The following RFPL3 variants were observed in gnomAD, a reference collection of about 807,000 sequenced individuals.
RFPL3 encodes the protein ret finger protein-like 3.
RFPL3 carries 8 observed loss-of-function variants against 8.7 expected under a neutral mutation model. The observed-to-expected ratio is 0.92, with a 90% CI of 0.54 to 1.66. RFPL3 has a LOEUF of 1.66. Ranked by LOEUF, RFPL3 falls within the 40% of genes most tolerant of loss-of-function variation. RFPL3 has a pLI of 0.00. For missense variants in RFPL3, 341 were observed against 395.0 expected (o/e 0.86, Z 1.16); for synonymous variants, 145 against 150.5 (o/e 0.96, Z 0.27).
upstream of RFPL3, chr22:32,357,011 G>A (rs1022442027): frequency 9.9e-5 from 45 of 455,730 alleles, no homozygotes; most frequent in African/African-American, 8.3e-4. Context: ...AGCGGCAGGA[G>A]GTCAGCATCC....
intron 1 of RFPL3, 81 bp downstream of exon 1, chr22:32,358,525 T>A: frequency 6.6e-7 from 1 of 1,524,842 alleles, no homozygotes; most frequent in Non-Finnish European, 8.8e-7. Context: ...TCATTCCACA[T>A]GGGGATTAGC....
chr22:32,359,632 T>C (rs1225244366), intron 1 of RFPL3, among the ~76,000 whole-genome samples: 3 of 152,150 alleles, frequency 2.0e-5, no homozygotes. Flanking sequence ...TTACCATTGT[T>C]TTGCTTAAGG....
At chr22:32,356,344 GGA>G (rs1330338469), upstream of RFPL3, among the ~76,000 whole-genome samples, 2 of 152,038 alleles carry the variant, frequency 1.3e-5, no homozygotes, top group African/African-American at 4.8e-5. Flanking sequence ...GAGAGAGAAT[GGA>G]GAGAGAGGTG....
At chr22:32,356,873 C>T (rs1040945945), upstream of RFPL3, 3 of 451,906 alleles carry the variant, frequency 6.6e-6, no homozygotes, top group Non-Finnish European at 1.3e-5. Context: ...TCCAGGCCAC[C>T]GTCACAGCTC....
upstream of RFPL3, among the ~76,000 whole-genome samples, chr22:32,355,235 A>T (rs932340008): frequency 8.1e-5 from 12 of 147,902 alleles, no homozygotes; most frequent in African/African-American, 2.9e-4. Context: ...AGAACATGCA[A>T]ATAAAGCCCA....
chr22:32,357,780 T>G (rs2145868084), upstream of RFPL3: 2 of 1,084,456 alleles, frequency 1.8e-6, no homozygotes, highest in Non-Finnish European at 2.4e-6. Flanking sequence ...CAGCTCCTAA[T>G]TCTTATGTTC....
upstream of RFPL3, among the ~76,000 whole-genome samples, chr22:32,355,066 A>C (rs1932618386): frequency 6.8e-6 from 1 of 146,242 alleles, no homozygotes; most frequent in African/African-American, 2.5e-5. Flanking sequence ...GGAATGACAA[A>C]ACTCCCCCCA....
upstream of RFPL3, among the ~76,000 whole-genome samples, chr22:32,357,409 A>C (rs1017956543): frequency 6.6e-6 from 1 of 151,050 alleles, no homozygotes; most frequent in Non-Finnish European, 1.5e-5. Flanking sequence ...GGCTCAAGGG[A>C]TCTTCCTGCC....
At position 32,358,432 on chromosome 22, in the gene RFPL3, C is replaced by G. The variant is rs139344772; in HGVS notation, c.361C>G (p.Arg121Gly). The G allele has an allele frequency of 6.2e-7, 1 of 1,613,138 alleles. No individual in the cohort carries two copies. Among genetic ancestry groups the G allele is most frequent in the South Asian group, 1.1e-5 (1 of 90,938 alleles). Reference sequence around the variant, plus strand: ...GATTCTACAGATGAACCCAAGGATGCGGAAGTTCCAAGGTAAGGAATCTGT... The same window carrying G: ...GATTCTACAGATGAACCCAAGGATGGGGAAGTTCCAAGGTAAGGAATCTGT... ...KKILQMNPRM[R>G]KFQVDMTLDA... The change falls in exon 1 of 2, where the codon CGG (arginine) becomes GGG (glycine). Residue 121 changes from arginine to glycine, a missense_variant. Arg to Gly is a moderately radical substitution (Grantham distance 125). Coordinates refer to ENST00000249007, the MANE Select transcript of RFPL3 (RefSeq NM_001098535.1).
At chr22:32,356,332 G>A (rs1222281066), upstream of RFPL3, among the ~76,000 whole-genome samples, 2 of 152,028 alleles carry the variant, frequency 1.3e-5, no homozygotes, top group African/African-American at 2.4e-5. Flanking sequence ...GGAAGAGGTG[G>A]GGAGAGAGAA....
rs139468747 is a variant in RFPL3 at position 32,359,398 on chromosome 22, G to C, written c.374-854G>C. ...AGTGATCATATCAGTTTTTTGACTT[G>C]AAGGATAATATATTTTGTAGATTTT... On this transcript the variant is annotated intron_variant, in intron 1 of 1. Transcript: ENST00000249007. Among the ~76,000 whole-genome samples the C allele has an allele frequency of 5.9e-4, 89 of 151,642 alleles. No individual in the cohort carries two copies. The Middle Eastern group carries it at 0.02, about 35-fold the overall frequency.
At position 32,360,464 on chromosome 22, in the gene RFPL3, G is replaced by A; in HGVS notation, c.586G>A (p.Val196Ile). ...VGTSTEWDLGVCRESVHCKGK... is the reference protein window; with the variant it reads ...VGTSTEWDLGICRESVHCKGK... Reference sequence around the variant, plus strand: ...AACAAGCACAGAATGGGACCTGGGAGTCTGCAGAGAATCTGTTCACTGCAA... The same window carrying A: ...AACAAGCACAGAATGGGACCTGGGAATCTGCAGAGAATCTGTTCACTGCAA... The change falls in exon 2 of 2, where the codon GTC becomes ATC. Residue 196 changes from valine (V) to isoleucine (I), a missense_variant. Coordinates refer to ENST00000249007, the MANE Select transcript of RFPL3 (RefSeq NM_001098535.1). 1.2e-6 allele frequency: 2 copies of A among 1,613,968 alleles called. No homozygotes were observed. Among genetic ancestry groups the A allele is most frequent in the Non-Finnish European group, 1.7e-6 (2 of 1,179,888 alleles).
At chr22:32,360,112 C>T in intron 1 of RFPL3, 140 bp from the exon 2 acceptor site, 2 of 1,142,860 alleles carry the variant, frequency 1.7e-6, no homozygotes, top group South Asian at 3.4e-5. Flanking sequence ...GGGAAGTTTC[C>T]TCATGAAAAG....
intron 1 of RFPL3, chr22:32,359,864 A>G: frequency 4.7e-6 from 1 of 210,914 alleles, no homozygotes. Context: ...TTGGAGCAAT[A>G]AAATGTGGAA....
rs527292492 is a variant in RFPL3 at position 32,359,910 on chromosome 22, C to G, written c.374-342C>G. 4.7e-5 allele frequency: 14 copies of G among 296,956 alleles called. No individual in the cohort carries two copies. In the South Asian group the frequency reaches 9.1e-4, roughly 19 times the overall value. 18.4% of individuals were successfully genotyped at this position (296,956 alleles called of 1,614,324 possible). A position where few individuals can be genotyped will look rare whatever the true frequency, so the allele number is the denominator to read the frequency against. On this transcript the variant is annotated intron_variant, in intron 1 of 1. Coordinates refer to ENST00000249007, the MANE Select transcript of RFPL3 (RefSeq NM_001098535.1). ...ATTTAATATTGACCACTTGCATTGT[C>G]TTAATTATCATTTATTTGTTCACAC...
At chr22:32,356,729 C>G (rs893171953), upstream of RFPL3, 1 of 374,578 alleles carries the variant, frequency 2.7e-6, no homozygotes, top group African/African-American at 2.2e-5. Context: ...TGTGTGTGAC[C>G]TTACAGCTGT....
intron 1 of RFPL3, 33 bp downstream of exon 1, chr22:32,358,477 A>C (rs1403381613): frequency 6.3e-7 from 1 of 1,578,140 alleles, no homozygotes; most frequent in Admixed American, 1.8e-5. Flanking sequence ...CCCCTTCCCA[A>C]GACCAGACCA....
In RFPL3 at chr22:32,360,364, A is replaced by T; in HGVS notation, c.486A>T (p.Arg162Ser). Residue 162 changes from arginine to serine, a missense_variant, in exon 2 of 2, where the codon AGA (arginine) becomes AGT (serine). By Grantham distance (110) the Arg-to-Ser change is moderately radical. Transcript: ENST00000249007. Reference protein sequence around the residue: ...ITQNRQDLAERFDVSVCILGS... With the variant: ...ITQNRQDLAESFDVSVCILGS... ...AGAATCGGCAAGACCTTGCCGAGAG[A>T]TTTGACGTGTCCGTTTGCATCCTGG... The T allele has an allele frequency of 2.5e-6, 4 of 1,613,852 alleles. No individual in the cohort carries two copies. The highest frequency in any genetic ancestry group is 3.4e-6 in the Non-Finnish European group (4 of 1,179,856).
At chr22:32,356,874 G>A (rs922481291), upstream of RFPL3, 23 of 454,382 alleles carry the variant, frequency 5.1e-5, no homozygotes, top group East Asian at 9.0e-4. Flanking sequence ...CCAGGCCACC[G>A]TCACAGCTCC....
Sources: allele counts gnomAD v4.1 joint callset (sites outside exome capture counted in the v4.1 genomes callset), GRCh38; gene constraint gnomAD v4.1.1; transcripts MANE v1.5; gene names NCBI Gene and HGNC (gene_info 2026-07-23, HGNC 2026-07-21).